The following MGAT4C variants were observed in gnomAD, a reference collection of about 807,000 sequenced individuals.
MGAT4C encodes alpha-1,3-mannosyl-glycoprotein 4-beta-N-acetylglucosaminyltransferase C.
A neutral mutation model predicts 40.1 loss-of-function variants in MGAT4C; 19 were observed. The ratio of observed to expected loss-of-function variants is 0.47; its 90% confidence interval spans 0.33 to 0.70. The LOEUF (loss-of-function observed/expected upper bound fraction) is 0.70, where lower values mean the gene tolerates loss of function less well. Among genes scored for constraint, MGAT4C ranks in the 30% least tolerant of loss-of-function variants. The pLI is 0.02. For missense variants in MGAT4C, 491 were observed against 563.2 expected (o/e 0.87, Z 1.30); for synonymous variants, 181 against 187.1 (o/e 0.97, Z 0.27).
intron 3 of MGAT4C, among the ~76,000 whole-genome samples, chr12:86,365,734 A>G (rs908519564): frequency 9.8e-6 from 1 of 101,826 alleles, no homozygotes; most frequent in African/African-American, 3.9e-5. Context: ...GTGTGGTTTT[A>G]TTTCTGGGTC....
chr12:86,542,521 T>C (rs958632851), intron 2 of MGAT4C, among the ~76,000 whole-genome samples: 3 of 152,212 alleles, frequency 2.0e-5, no homozygotes, highest in Admixed American at 2.0e-4. Flanking sequence ...CCATTTAATT[T>C]TTCCTACTTC....
chr12:85,956,598 T>G lies in MGAT4C; in HGVS notation c.*22691A>C, dbSNP rs533325732. The G allele has an allele frequency of 4.6e-5, 7 of 152,288 alleles. No homozygotes were observed. In the South Asian group the frequency reaches 1.2e-3, roughly 27 times the overall value. The allele number at this position is 152,288 out of a possible 1,614,324, so 9.4% of individuals were successfully genotyped here. A position where few individuals can be genotyped will look rare whatever the true frequency, so the allele number is the denominator to read the frequency against. ...AATATTTGATTCAATCAAACAGCAT[T>G]ACTTGGTATGGTGTAGAGAAAACAA... is the stretch of plus-strand genomic sequence containing the variant. On this transcript the variant is annotated 3_prime_UTR_variant, in exon 5 of 5. Transcript: ENST00000611864.
At chr12:86,418,780 C>T (rs1956768175) in intron 3 of MGAT4C, among the ~76,000 whole-genome samples, 1 of 151,768 alleles carries the variant, frequency 6.6e-6, no homozygotes, top group Admixed American at 6.6e-5. Flanking sequence ...AGTAAAGCAT[C>T]ATGTGTGTAG....
At chr12:86,202,008 GA>G (rs201620957) in intron 1 of MGAT4C, among the ~76,000 whole-genome samples, 5 of 61,966 alleles carry the variant, frequency 8.1e-5, no homozygotes, top group Non-Finnish European at 2.2e-4. Flanking sequence ...CAGTGAATTT[GA>G]AAAAAAAGTT....
intron 2 of MGAT4C, among the ~76,000 whole-genome samples, chr12:86,672,836 C>A (rs1964294633): frequency 6.6e-6 from 1 of 151,764 alleles, no homozygotes; most frequent in Non-Finnish European, 1.5e-5. Context: ...TCATTTTTAC[C>A]GCAGACTTCA....
intron 2 of MGAT4C, among the ~76,000 whole-genome samples, chr12:86,603,604 TAG>T (rs1398724137): frequency 3.2e-5 from 4 of 124,562 alleles, no homozygotes; most frequent in Non-Finnish European, 4.8e-5. Flanking sequence ...CTATAGACTA[TAG>T]ATAATATATA....
intron 2 of MGAT4C, among the ~76,000 whole-genome samples, chr12:86,512,962 C>A (rs1411143936): frequency 6.6e-6 from 1 of 151,880 alleles, no homozygotes. Flanking sequence ...ATGAGAAAAA[C>A]AGAATTGAGT....
intron 1 of MGAT4C, among the ~76,000 whole-genome samples, chr12:86,770,097 T>A (rs1403165193): frequency 6.6e-6 from 1 of 152,112 alleles, no homozygotes; most frequent in Non-Finnish European, 1.5e-5. Context: ...TGATGTTAAT[T>A]CTTATGATCT....
chr12:86,596,430 G>A (rs914511689), intron 2 of MGAT4C, among the ~76,000 whole-genome samples: 1 of 152,276 alleles, frequency 6.6e-6, no homozygotes, highest in South Asian at 2.1e-4. Flanking sequence ...ACGTGAAATT[G>A]TAAGGCCAGG....
chr12:86,063,027 C>T (rs1894146566), intron 1 of MGAT4C, among the ~76,000 whole-genome samples: 2 of 152,014 alleles, frequency 1.3e-5, no homozygotes, highest in South Asian at 4.1e-4. Context: ...AGATAGAACA[C>T]CACAAAGATA....
chr12:86,556,292 A>C (rs1244873822), intron 2 of MGAT4C, among the ~76,000 whole-genome samples: 1 of 152,196 alleles, frequency 6.6e-6, no homozygotes, highest in African/African-American at 2.4e-5. Flanking sequence ...AAAACTTAAT[A>C]TTTGTTTTAA....
In MGAT4C at chr12:86,461,655, G is replaced by A. The variant is rs1032131244; in HGVS notation, c.-228-26390C>T. 3.9e-5 allele frequency among the ~76,000 whole-genome samples: 6 copies of A among 152,154 alleles called. No homozygotes were observed. In the South Asian group the frequency reaches 1.0e-3, roughly 26 times the overall value. ...GAAAATCCACAGCAGTATTAATAAAGGCTCATAAAGTGCACTAAGAATTCT... is the reference window on the plus strand; with the variant it reads ...GAAAATCCACAGCAGTATTAATAAAAGCTCATAAAGTGCACTAAGAATTCT... On this transcript the variant is annotated intron_variant, in intron 2 of 7. Transcript: ENST00000548651.
chr12:86,757,548 C>T (rs1351958675), intron 1 of MGAT4C, among the ~76,000 whole-genome samples: 1 of 151,964 alleles, frequency 6.6e-6, no homozygotes, highest in Non-Finnish European at 1.5e-5. Flanking sequence ...CTGAGATATC[C>T]CCATGGAAAG....
chr12:86,012,778 AACCACCACC>A (rs1183997849), intron 2 of MGAT4C, among the ~76,000 whole-genome samples: 8 of 136,452 alleles, frequency 5.9e-5, no homozygotes, highest in East Asian at 2.5e-4. Flanking sequence ...CAACAACAAC[AACCACCACC>A]ACCACCACCA....
chr12:86,039,437 T>C (rs903357648), intron 2 of MGAT4C, among the ~76,000 whole-genome samples: 1 of 152,184 alleles, frequency 6.6e-6, no homozygotes, highest in Non-Finnish European at 1.5e-5. Flanking sequence ...CTTTTTTCTC[T>C]AATCTTGTCT....
chr12:86,625,683 T>C (rs1962781491), intron 2 of MGAT4C, among the ~76,000 whole-genome samples: 1 of 152,140 alleles, frequency 6.6e-6, no homozygotes, highest in African/African-American at 2.4e-5. Flanking sequence ...TAAGAATTAC[T>C]CTAAGTTGAC....
chr12:86,360,870 A>G (rs1955448328), intron 3 of MGAT4C, among the ~76,000 whole-genome samples: 1 of 152,208 alleles, frequency 6.6e-6, no homozygotes, highest in Non-Finnish European at 1.5e-5. Flanking sequence ...TTCCATGCTC[A>G]TGGATAGGAA....
At chr12:86,090,571 T>C (rs1201511310) in intron 1 of MGAT4C, among the ~76,000 whole-genome samples, 1 of 151,892 alleles carries the variant, frequency 6.6e-6, no homozygotes, top group African/African-American at 2.4e-5. Context: ...TACTTTTTTC[T>C]AGATTCTAAT....
intron 2 of MGAT4C, among the ~76,000 whole-genome samples, chr12:86,617,490 C>A (rs954507543): frequency 6.6e-6 from 1 of 152,000 alleles, no homozygotes; most frequent in Non-Finnish European, 1.5e-5. Flanking sequence ...AGATTAAGAC[C>A]ATCCTGGCTA....
Sources: gnomAD v4.1 joint callset for allele counts (sites outside exome capture counted in the v4.1 genomes callset) on GRCh38, gnomAD v4.1.1 for gene constraint, MANE v1.5 for transcripts, NCBI Gene and HGNC (gene_info 2026-07-23, HGNC 2026-07-21) for gene names.